TGFBR3: variants seen among roughly 807,000 people sequenced by gnomAD.
The protein encoded by TGFBR3 is transforming growth factor beta receptor 3, also known as transforming growth factor beta receptor type 3.
A neutral mutation model predicts 87.9 loss-of-function variants in TGFBR3; 46 were observed. The observed-to-expected ratio is 0.52, with a 90% CI of 0.41 to 0.67. The LOEUF is 0.67. TGFBR3 is among the 30% of genes least tolerant of loss of function. The pLI is 0.00. For synonymous variants in TGFBR3, 381 were observed against 391.6 expected, an observed-to-expected ratio of 0.97 and a Z score of 0.32; for missense variants, 866 against 1,041.9, an observed-to-expected ratio of 0.83 and a Z score of 2.32.
chr1:91,681,397 T>C lies in TGFBR3; in HGVS notation c.*2342A>G, dbSNP rs1571400433. 3 of 384,450 alleles carry C rather than the reference T, an allele frequency of 7.8e-6. No individual in the cohort carries two copies. Among genetic ancestry groups the C allele is most frequent in the South Asian group, 2.1e-5 (1 of 48,454 alleles). The allele number at this position is 384,450 out of a possible 1,614,324, so 23.8% of individuals were successfully genotyped here. On this transcript the variant is annotated 3_prime_UTR_variant, in exon 17 of 17. Coordinates refer to ENST00000212355, the MANE Select transcript of TGFBR3 (RefSeq NM_003243.5). ...AACAAATAAAAGGTGATTTTTTTCCTCTCTCTCTCTTTTAAAAAGATCTTT... is the reference window on the plus strand; with the variant it reads ...AACAAATAAAAGGTGATTTTTTTCCCCTCTCTCTCTTTTAAAAAGATCTTT...
intron 9 of TGFBR3, among the ~76,000 whole-genome samples, chr1:91,719,678 CA>C (rs1672292486): frequency 6.6e-6 from 1 of 151,736 alleles, no homozygotes; most frequent in African/African-American, 2.4e-5. Flanking sequence ...AATATTGACA[CA>C]CAAGGATCTG....
At chr1:91,904,345 T>C (rs1236011354) in intron 1 of TGFBR3, among the ~76,000 whole-genome samples, 1 of 151,138 alleles carries the variant, frequency 6.6e-6, no homozygotes, top group African/African-American at 2.4e-5. Flanking sequence ...ATTTGGGTTC[T>C]ACTACTTGTC....
chr1:91,766,115 ACTC>A (rs1448287701), intron 3 of TGFBR3, among the ~76,000 whole-genome samples: 1 of 151,180 alleles, frequency 6.6e-6, no homozygotes, highest in Non-Finnish European at 1.5e-5. Context: ...GTAACCTTCA[ACTC>A]CTCAAGTAAT....
chr1:91,777,090 C>CA (rs1674592174), intron 3 of TGFBR3, among the ~76,000 whole-genome samples: 1 of 152,000 alleles, frequency 6.6e-6, no homozygotes, highest in Non-Finnish European at 1.5e-5. Flanking sequence ...AGGTACCTTC[C>CA]AAAAAAATAG....
intron 4 of TGFBR3, among the ~76,000 whole-genome samples, chr1:91,745,686 C>T (rs1357205195): frequency 2.0e-5 from 3 of 152,184 alleles, no homozygotes; most frequent in Non-Finnish European, 2.9e-5. Context: ...TGGGAGGACC[C>T]CACTTGCCTA....
chr1:91,708,921 T>G, intron 13 of TGFBR3, 138 bp from the exon 14 acceptor site: 1 of 1,248,624 alleles, frequency 8.0e-7, no homozygotes, highest in Non-Finnish European at 1.1e-6. Context: ...AAGGTGGGTG[T>G]TTTTCAGAGA....
At chr1:91,686,711 C>T (rs1671101016) in intron 16 of TGFBR3, among the ~76,000 whole-genome samples, 1 of 152,178 alleles carries the variant, frequency 6.6e-6, no homozygotes, top group Admixed American at 6.5e-5. Context: ...ACAGAGACCC[C>T]TGGGTTTTCT....
upstream of TGFBR3, among the ~76,000 whole-genome samples, chr1:91,887,262 T>TG (rs1553177187): frequency 3.2e-5 from 4 of 125,210 alleles, no homozygotes; most frequent in African/African-American, 1.4e-4. Flanking sequence ...TTTTTTTTTT[T>TG]TGAGATGGAG....
chr1:91,831,037 G>A (rs1453726398), intron 2 of TGFBR3, among the ~76,000 whole-genome samples: 2 of 152,060 alleles, frequency 1.3e-5, no homozygotes, highest in African/African-American at 2.4e-5. Flanking sequence ...TCACCATTGT[G>A]TTTCCACCTC....
chr1:91,710,615 T>G (rs1390663707), intron 13 of TGFBR3, among the ~76,000 whole-genome samples: 1 of 152,204 alleles, frequency 6.6e-6, no homozygotes, highest in Non-Finnish European at 1.5e-5. Flanking sequence ...GTGAAAATAT[T>G]ACCTATAAGC....
In TGFBR3 at chr1:91,682,812, T is replaced by C; in HGVS notation, c.*927A>G. 1 of 453,882 alleles carries C rather than the reference T, an allele frequency of 2.2e-6. No individual in the cohort carries two copies. The highest frequency in any genetic ancestry group is 2.4e-5 in the Admixed American group (1 of 42,550). The allele number at this position is 453,882 out of a possible 1,614,324, so 28.1% of individuals were successfully genotyped here. Reference sequence around the variant, plus strand: ...ATTTTCTCTTCTTCAACTGAGAAAATGAATGTGCCAGGTGACATATTATAT... The same window carrying C: ...ATTTTCTCTTCTTCAACTGAGAAAACGAATGTGCCAGGTGACATATTATAT... On this transcript the variant is annotated 3_prime_UTR_variant, in exon 17 of 17. Coordinates refer to ENST00000212355, the MANE Select transcript of TGFBR3 (RefSeq NM_003243.5).
intron 2 of TGFBR3, among the ~76,000 whole-genome samples, chr1:91,857,748 G>A (rs997844316): frequency 6.6e-6 from 1 of 152,072 alleles, no homozygotes; most frequent in Non-Finnish European, 1.5e-5. Context: ...AGGTCAACCT[G>A]GACAACACAG....
At chr1:91,817,123 G>T (rs960821485) in intron 2 of TGFBR3, among the ~76,000 whole-genome samples, 2 of 152,150 alleles carry the variant, frequency 1.3e-5, no homozygotes, top group Admixed American at 1.3e-4. Flanking sequence ...TTGAAACTCT[G>T]TGTTAGGCTT....
chr1:91,822,731 A>AGC (rs1676496287), intron 2 of TGFBR3, among the ~76,000 whole-genome samples: 1 of 152,044 alleles, frequency 6.6e-6, no homozygotes, highest in Non-Finnish European at 1.5e-5. Context: ...GTTCGAGACC[A>AGC]GCCTGGGAAC....
intron 3 of TGFBR3, among the ~76,000 whole-genome samples, chr1:91,779,495 C>T (rs537684606): frequency 6.6e-6 from 1 of 152,336 alleles, no homozygotes; most frequent in South Asian, 2.1e-4. Flanking sequence ...GCCAGAGGCC[C>T]ACTGCCTCTC....
chr1:91,719,416 T>C lies in TGFBR3; in HGVS notation c.1462A>G (p.Lys488Glu). The change falls in exon 10 of 17, where the codon AAG becomes GAG. Residue 488 changes from lysine (K) to glutamate (E), a missense_variant. Coordinates refer to ENST00000212355, the MANE Select transcript of TGFBR3 (RefSeq NM_003243.5). ...AAGTGTGTGCCATTCATCTTGGCCT[T>C]GCAGGTAGGATCCAACAGGGTGACG... ...MDVTLLDPTC[K>E]AKMNGTHFVL... 1 of 1,614,140 alleles carries C rather than the reference T, an allele frequency of 6.2e-7. No homozygotes were observed.
At chr1:91,686,214 C>G (rs895004925) in intron 16 of TGFBR3, among the ~76,000 whole-genome samples, 2 of 152,200 alleles carry the variant, frequency 1.3e-5, no homozygotes, top group Non-Finnish European at 2.9e-5. Context: ...TATCTGCTTT[C>G]CGATGTCTAT....
chr1:91,737,972 A>T (rs760268737), intron 4 of TGFBR3, among the ~76,000 whole-genome samples: 3 of 152,200 alleles, frequency 2.0e-5, no homozygotes, highest in Non-Finnish European at 2.9e-5. Flanking sequence ...ATGTTAGTAC[A>T]TTGAGTAGGG....
At chr1:91,747,056 A>G (rs1673375048) in intron 4 of TGFBR3, among the ~76,000 whole-genome samples, 1 of 152,224 alleles carries the variant, frequency 6.6e-6, no homozygotes, top group Non-Finnish European at 1.5e-5. Context: ...CTGAATCCTC[A>G]TATCTGATAG....
Sources: allele counts gnomAD v4.1 joint callset (sites outside exome capture counted in the v4.1 genomes callset), GRCh38; gene constraint gnomAD v4.1.1; transcripts MANE v1.5; gene names NCBI Gene and HGNC (gene_info 2026-07-23, HGNC 2026-07-21).